Variants in LINGO2 observed in about 807,000 individuals in gnomAD.
LINGO2 encodes leucine rich repeat and Ig domain containing 2, also known as leucine-rich repeat and immunoglobulin-like domain-containing nogo receptor-interacting protein 2.
A neutral mutation model predicts 30.6 loss-of-function variants in LINGO2; 14 were observed. The observed-to-expected ratio is 0.46, with a 90% CI of 0.30 to 0.72. The LOEUF (loss-of-function observed/expected upper bound fraction) is 0.72. Ranked by LOEUF, LINGO2 falls within the 30% of genes least tolerant of loss-of-function variation. The probability of loss-of-function intolerance (pLI) is 0.07; values close to 1 mark genes in which losing one functional copy is unlikely to be tolerated. For missense variants in LINGO2, 729 were observed against 751.7 expected, an observed-to-expected ratio of 0.97 and a Z score of 0.35; for synonymous variants, 317 against 288.5, an observed-to-expected ratio of 1.10 and a Z score of -1.00.
the LINGO2 span, among the ~76,000 whole-genome samples, chr9:28,778,027 C>G: frequency 6.6e-6 from 1 of 151,992 alleles, no homozygotes; most frequent in African/African-American, 2.4e-5. Flanking sequence ...CCATGTGGGT[C>G]TTTCTGATAT....
At chr9:28,008,176 C>T (rs1453341113) in intron 5 of LINGO2, among the ~76,000 whole-genome samples, 3 of 152,094 alleles carry the variant, frequency 2.0e-5, no homozygotes, top group African/African-American at 7.2e-5. Context: ...TAGGGAGAAA[C>T]TCAAAGATTA....
At chr9:29,120,039 T>C in the LINGO2 span, among the ~76,000 whole-genome samples, 2 of 152,146 alleles carry the variant, frequency 1.3e-5, no homozygotes, top group South Asian at 2.1e-4. Flanking sequence ...TTGAACCAGG[T>C]TGGAGTATTC....
the LINGO2 span, among the ~76,000 whole-genome samples, chr9:28,879,413 A>T: frequency 6.6e-6 from 1 of 152,156 alleles, no homozygotes; most frequent in African/African-American, 2.4e-5. Flanking sequence ...TTATCCTTCA[A>T]TAGTGATAAT....
the LINGO2 span, among the ~76,000 whole-genome samples, chr9:28,832,243 A>T: frequency 6.6e-6 from 1 of 152,210 alleles, no homozygotes; most frequent in African/African-American, 2.4e-5. Context: ...ATTTCCTTTC[A>T]TATTTATCTG....
At chr9:28,124,108 C>T (rs980982063) in intron 4 of LINGO2, among the ~76,000 whole-genome samples, 3 of 152,298 alleles carry the variant, frequency 2.0e-5, no homozygotes, top group South Asian at 2.1e-4. Flanking sequence ...TGGATTCTCT[C>T]AAGGAGTGGC....
rs186552616 is a variant in LINGO2, at chr9:28,163,083, C to T, written c.-87+132125G>A. Among the ~76,000 whole-genome samples, 4 of 152,080 alleles carry T rather than the reference C, an allele frequency of 2.6e-5. No homozygotes were observed. In the East Asian group the frequency reaches 7.7e-4, roughly 29 times the overall value. On this transcript the variant is annotated intron_variant, in intron 4 of 5. Coordinates refer to ENST00000379992, the Ensembl canonical transcript of LINGO2. ...GAAAGGTAAATTAGAAATTTAAAAGCTAGAGAAGGTTATATTCATATTTGT... is the reference window on the plus strand; with the variant it reads ...GAAAGGTAAATTAGAAATTTAAAAGTTAGAGAAGGTTATATTCATATTTGT...
intron 2 of LINGO2, among the ~76,000 whole-genome samples, chr9:28,412,283 A>C (rs1446876763): frequency 6.6e-6 from 1 of 151,172 alleles, no homozygotes; most frequent in South Asian, 2.1e-4. Context: ...GCATTTCTCT[A>C]ATGATTTATG....
chr9:28,860,506 G>A, the LINGO2 span, among the ~76,000 whole-genome samples: 1 of 151,814 alleles, frequency 6.6e-6, no homozygotes, highest in Non-Finnish European at 1.5e-5. Flanking sequence ...ATCGGATTTT[G>A]GACTTGCCAT....
chr9:28,943,666 T>C, the LINGO2 span, among the ~76,000 whole-genome samples: 1 of 150,390 alleles, frequency 6.6e-6, no homozygotes, highest in African/African-American at 2.4e-5. Context: ...AGGTAAGTGC[T>C]GTAGCAAAAC....
intron 4 of LINGO2, among the ~76,000 whole-genome samples, chr9:28,240,130 G>A (rs1403644889): frequency 6.6e-6 from 1 of 151,906 alleles, no homozygotes; most frequent in African/African-American, 2.4e-5. Flanking sequence ...AATTGAAGAG[G>A]GCACCCCAAA....
chr9:28,175,472 T>G (rs534679112), intron 4 of LINGO2, among the ~76,000 whole-genome samples: 1 of 152,276 alleles, frequency 6.6e-6, no homozygotes, highest in South Asian at 2.1e-4. Flanking sequence ...AACTGTAGTT[T>G]TACCTCTTCG....
At chr9:28,546,297 G>T (rs879407108) in intron 1 of LINGO2, among the ~76,000 whole-genome samples, 3 of 151,972 alleles carry the variant, frequency 2.0e-5, no homozygotes, top group Non-Finnish European at 4.4e-5. Flanking sequence ...AATAAGAGAA[G>T]AGCATTAAAA....
chr9:29,044,085 G>A, the LINGO2 span, among the ~76,000 whole-genome samples: 2 of 151,976 alleles, frequency 1.3e-5, no homozygotes, highest in African/African-American at 4.8e-5. Context: ...TTTAATAGCT[G>A]ACTTCAAAGT....
At chr9:28,206,065 T>C (rs948076509) in intron 4 of LINGO2, among the ~76,000 whole-genome samples, 3 of 148,426 alleles carry the variant, frequency 2.0e-5, no homozygotes, top group African/African-American at 7.5e-5. Flanking sequence ...CTCAGGAGGC[T>C]GAGGTGGGAG....
At chr9:28,100,571 T>A (rs987178696) in intron 4 of LINGO2, among the ~76,000 whole-genome samples, 5 of 152,138 alleles carry the variant, frequency 3.3e-5, no homozygotes, top group African/African-American at 7.2e-5. Flanking sequence ...ATTAATTCAG[T>A]GTTCAGTATG....
the LINGO2 span, among the ~76,000 whole-genome samples, chr9:29,019,771 T>G: frequency 1.3e-5 from 2 of 152,182 alleles, no homozygotes; most frequent in East Asian, 1.9e-4. Flanking sequence ...ATTTTTTTTT[T>G]GTAAATGGCA....
chr9:28,771,506 T>A, the LINGO2 span, among the ~76,000 whole-genome samples: 34,940 of 94,280 alleles, frequency 0.37, 5,191 homozygotes, highest in African/African-American at 0.48. Flanking sequence ...TGTGTGTGTG[T>A]GAGAGAGAGA....
chr9:28,984,858 T>C, the LINGO2 span, among the ~76,000 whole-genome samples: 1 of 152,142 alleles, frequency 6.6e-6, no homozygotes, highest in Non-Finnish European at 1.5e-5. Context: ...GTATTTATTA[T>C]TTTTGTAGTG....
chr9:29,160,841 A>T, the LINGO2 span, among the ~76,000 whole-genome samples: 1 of 152,188 alleles, frequency 6.6e-6, no homozygotes, highest in Non-Finnish European at 1.5e-5. Context: ...GGCCTGCATG[A>T]CTCAGTGAGT....
Sources: gnomAD v4.1 joint callset for allele counts (sites outside exome capture counted in the v4.1 genomes callset) on GRCh38, gnomAD v4.1.1 for gene constraint, MANE v1.5 for transcripts, NCBI Gene and HGNC (gene_info 2026-07-23, HGNC 2026-07-21) for gene names.